Variants in KRT19 observed in about 807,000 individuals in gnomAD.
KRT19 encodes the protein keratin, type I cytoskeletal 19.
Under a neutral mutation model 34.6 loss-of-function variants are expected in KRT19, and 21 were observed. That is an observed-to-expected ratio of 0.61 (90% CI 0.43 to 0.87). The LOEUF is 0.87. Ranked by LOEUF, KRT19 falls within the 40% of genes least tolerant of loss-of-function variation. The pLI, the probability that KRT19 is intolerant of heterozygous loss-of-function variation, is 0.00. For synonymous variants in KRT19, 240 were observed against 245.8 expected (o/e 0.98, Z 0.22); for missense variants, 514 against 545.7 (o/e 0.94, Z 0.58).
intron 1 of KRT19, chr17:41,525,617 G>GCCCCCC (rs370300972): frequency 3.0e-5 from 8 of 269,066 alleles, no homozygotes; most frequent in African/African-American, 1.6e-4. Flanking sequence ...GTCTATACCT[G>GCCCCCC]CCCCCCCCAC....
chr17:41,524,692 T>C (rs889811361), intron 3 of KRT19, 151 bp downstream of exon 3: 1 of 1,221,278 alleles, frequency 8.2e-7, no homozygotes, highest in Non-Finnish European at 1.2e-6. Flanking sequence ...CATCACTGAT[T>C]CCTCTTGGAA....
In KRT19 at chr17:41,526,562, C is replaced by CTTTTTTTTTTTTT. The variant is rs60030898; in HGVS notation, c.420+1253_420+1265dup. ...ACACGCCACCATGCCAAGCTAATTC[C>CTTTTTTTTTTTTT]TTTTTTTTTTTTTTTTTTTTTTTTT... On this transcript the variant is annotated intron_variant, in intron 1 of 5. Transcript: ENST00000361566. Among the ~76,000 whole-genome samples, 4 of 72,190 alleles carry CTTTTTTTTTTTTT rather than the reference C, an allele frequency of 5.5e-5. 1 individual carries two copies. The highest frequency in any genetic ancestry group is 5.9e-5 in the African/African-American group (1 of 16,882). The allele number at this position is 72,190 out of a possible 152,430, so 47.4% of individuals were successfully genotyped here.
chr17:41,526,009 T>C (rs1161793387), intron 1 of KRT19, among the ~76,000 whole-genome samples: 2 of 152,158 alleles, frequency 1.3e-5, no homozygotes, highest in African/African-American at 4.8e-5. Flanking sequence ...TCTCGCTCTG[T>C]CACCCAGGCT....
Position 41,524,850 on chromosome 17 carries a change from T to C in KRT19, c.653A>G (p.His218Arg), listed in dbSNP as rs759814365. The C allele has an allele frequency of 3.7e-5, 60 of 1,613,794 alleles. No individual in the cohort carries two copies. The highest frequency in any genetic ancestry group is 4.9e-5 in the Non-Finnish European group (58 of 1,180,040). The change falls in exon 3 of 6, where the codon CAT becomes CGT. Residue 218 changes from histidine to arginine, a missense_variant. Physicochemically the swap from His to Arg is conservative, Grantham distance 29. Coordinates refer to ENST00000361566, the MANE Select transcript of KRT19 (RefSeq NM_002276.5). Reference sequence around the variant, plus strand: ...GCCCAGCTTCAAACCCACCTCCTCATGGTTCTTCTTCAGGTAGGCCAGCTC... The same window carrying C: ...GCCCAGCTTCAAACCCACCTCCTCACGGTTCTTCTTCAGGTAGGCCAGCTC... ...KEELAYLKKN[H>R]EEEISTLRGQ...
rs1199582376 is a variant in KRT19, at chr17:41,523,882, T to C, written c.1064A>G (p.Asp355Gly). The C allele has an allele frequency of 6.2e-7, 1 of 1,613,982 alleles. No individual in the cohort carries two copies. Among genetic ancestry groups the C allele is most frequent in the Non-Finnish European group, 8.5e-7 (1 of 1,180,048 alleles). Residue 355 changes from aspartate to glycine, a missense_variant, in exon 6 of 6, where the codon GAT (aspartate) becomes GGT (glycine). Transcript: ENST00000361566. ...IEAQLGDVRA[D>G]SERQNQEYQR... ...GTACTCCTGATTCTGCCGCTCACTA[T>C]CAGCTCGCACATCGCCCAGCTGGGC...
intron 1 of KRT19, among the ~76,000 whole-genome samples, chr17:41,526,398 G>A (rs1905865179): frequency 6.6e-6 from 1 of 151,798 alleles, no homozygotes; most frequent in African/African-American, 2.4e-5. Context: ...ACACACAGAG[G>A]TGAGAAAAAG....
Position 41,527,883 on chromosome 17 carries a change from C to T in KRT19, c.365G>A (p.Gly122Glu). Reference sequence around the variant, plus strand: ...GTAGTGGCTGTAGTCGCGGGAGGGCCCAGGCCCCTGCTTCTGGTACCAGTC... The same window carrying T: ...GTAGTGGCTGTAGTCGCGGGAGGGCTCAGGCCCCTGCTTCTGGTACCAGTC... ...IRDWYQKQGP[G>E]PSRDYSHYYT... The change falls in exon 1 of 6, where the codon GGG becomes GAG. Residue 122 changes from glycine to glutamate, a missense_variant. Coordinates refer to ENST00000361566, the MANE Select transcript of KRT19 (RefSeq NM_002276.5). The T allele has an allele frequency of 6.2e-7, 1 of 1,613,412 alleles. No individual in the cohort carries two copies. Among genetic ancestry groups the T allele is most frequent in the Non-Finnish European group, 8.5e-7 (1 of 1,179,742 alleles).
chr17:41,524,876 T>G lies in KRT19; in HGVS notation c.627A>C (p.Glu209Asp). ...GGTTCTTCTTCAGGTAGGCCAGCTC[T>G]TCCTTCAGGCCTTCGATCTGCATCT... ...DLEMQIEGLK[E>D]ELAYLKKNHE... is the part of the protein sequence containing the mutation. Residue 209 changes from glutamate to aspartate, a missense_variant, in exon 3 of 6, where the codon GAA becomes GAC. Coordinates refer to ENST00000361566, the MANE Select transcript of KRT19 (RefSeq NM_002276.5). 6.2e-7 allele frequency: 1 copy of G among 1,614,148 alleles called. No individual in the cohort carries two copies. The highest frequency in any genetic ancestry group is 1.1e-5 in the South Asian group (1 of 91,080).
chr17:41,528,153 C>A lies in KRT19; in HGVS notation c.95G>T (p.Arg32Leu). The A allele has an allele frequency of 1.3e-6, 2 of 1,598,260 alleles. No homozygotes were observed. Among genetic ancestry groups the A allele is most frequent in the African/African-American group, 1.3e-5 (1 of 74,770 alleles). The change falls in exon 1 of 6, where the codon CGC becomes CTC. Residue 32 changes from arginine to leucine, a missense_variant. By Grantham distance (102) the Arg-to-Leu change is moderately radical (BLOSUM62 -2). Coordinates refer to ENST00000361566, the MANE Select transcript of KRT19 (RefSeq NM_002276.5). ...GGAGCCCCCGTGAATGCTGGGCGCG[C>A]GAAAGGCGACCCCCGGCCCAAAACG... ...SVRFGPGVAF[R>L]APSIHGGSGG... is the part of the protein sequence containing the mutation.
In KRT19 at chr17:41,526,044, T is replaced by G. The variant is rs1201549502; in HGVS notation, c.421-771A>C. Among the ~76,000 whole-genome samples the G allele has an allele frequency of 6.6e-5, 10 of 151,752 alleles. No homozygotes were observed. In the South Asian group the frequency reaches 1.7e-3, roughly 25 times the overall value. ...TGGAGTGCAGCGTCGCGATCTCGGC[T>G]CACTGCAAGCCCCGCCTCCCGGGTT... On this transcript the variant is annotated intron_variant, in intron 1 of 5. Coordinates refer to ENST00000361566, the MANE Select transcript of KRT19 (RefSeq NM_002276.5).
At chr17:41,527,705 T>G in intron 1 of KRT19, 123 bp downstream of exon 1, 1 of 1,076,296 alleles carries the variant, frequency 9.3e-7, no homozygotes, top group Non-Finnish European at 1.3e-6. Context: ...CGGCCCCACC[T>G]GTGGACCTTC....
At chr17:41,525,439 C>A in intron 1 of KRT19, 166 bp from the exon 2 acceptor site, 2 of 628,254 alleles carry the variant, frequency 3.2e-6, no homozygotes, top group Non-Finnish European at 2.9e-6. Flanking sequence ...GGAGGCCTTG[C>A]AAACAGTCCA....
chr17:41,524,088 CA>C, intron 5 of KRT19, 54 bp downstream of exon 5: 1 of 1,601,864 alleles, frequency 6.2e-7, no homozygotes. Flanking sequence ...CCCTAGGCTG[CA>C]AGGGTATAAG....
At position 41,524,127 on chromosome 17, in the gene KRT19, G is replaced by A; in HGVS notation, c.948+16C>T. 1.9e-6 allele frequency: 3 copies of A among 1,602,374 alleles called. No individual in the cohort carries two copies. Among genetic ancestry groups the A allele is most frequent in the Non-Finnish European group, 2.6e-6 (3 of 1,172,762 alleles). ...TGAATTGCACAGGGAAGCGGCGGCG[G>A]TGGGGGGACACATACCATGCTCAGC... On this transcript the variant is annotated intron_variant, in intron 5 of 5. Coordinates refer to ENST00000361566, the MANE Select transcript of KRT19 (RefSeq NM_002276.5).
In KRT19 at chr17:41,523,622, T is replaced by C; in HGVS notation, c.*121A>G. 4.1e-6 allele frequency: 4 copies of C among 974,688 alleles called. No individual in the cohort carries two copies. Among genetic ancestry groups the C allele is most frequent in the Non-Finnish European group, 6.2e-6 (4 of 650,120 alleles). The allele number at this position is 974,688 out of a possible 1,614,324, so 60.4% of individuals were successfully genotyped here. The stretch of plus-strand genomic sequence containing the variant: ...AATAAACCAAACGTCCTTCCTCCCT[T>C]GGACCATAAATTTTTATTGGCAGGT... On this transcript the variant is annotated 3_prime_UTR_variant, in exon 6 of 6. Coordinates refer to ENST00000361566, the MANE Select transcript of KRT19 (RefSeq NM_002276.5).
At position 41,527,850 on chromosome 17, in the gene KRT19, G is replaced by A; in HGVS notation, c.398C>T (p.Thr133Ile). 6.2e-7 allele frequency: 1 copy of A among 1,609,888 alleles called. No individual in the cohort carries two copies. The highest frequency in any genetic ancestry group is 8.5e-7 in the Non-Finnish European group (1 of 1,177,492). The change falls in exon 1 of 6, where the codon ACC (threonine) becomes ATC (isoleucine). Residue 133 changes from threonine to isoleucine, a missense_variant. Thr to Ile is a moderately conservative substitution (Grantham distance 89). Transcript: ENST00000361566. Reference sequence around the variant, plus strand: ...CACCTTGTCCCGCAGGTCCTGGATGGTCGTGTAGTAGTGGCTGTAGTCGCG... The same window carrying A: ...CACCTTGTCCCGCAGGTCCTGGATGATCGTGTAGTAGTGGCTGTAGTCGCG... ...PSRDYSHYYT[T>I]IQDLRDKILG...
chr17:41,527,002 T>A (rs1019424401), intron 1 of KRT19, among the ~76,000 whole-genome samples: 3 of 152,182 alleles, frequency 2.0e-5, no homozygotes, highest in African/African-American at 7.2e-5. Context: ...ATTTTGGGGA[T>A]CTGTTTGTTG....
chr17:41,528,167 C>G lies in KRT19; in HGVS notation c.81G>C (p.Pro27=). The change falls in exon 1 of 6, where the codon CCG becomes CCC. Residue 27 remains proline, a synonymous_variant. Transcript: ENST00000361566. ...TGCTGGGCGCGCGAAAGGCGACCCC[C>G]GGCCCAAAACGCACGGAGCCGCCGC... The part of the protein sequence containing the change: ...GLGGGSVRFG[P]GVAFRAPSIH... 2 of 1,593,652 alleles carry G rather than the reference C, an allele frequency of 1.3e-6. No individual in the cohort carries two copies. Among genetic ancestry groups the G allele is most frequent in the Non-Finnish European group, 8.5e-7 (1 of 1,175,096 alleles).
In KRT19 at chr17:41,528,169, G is replaced by C. The variant is rs1013172050; in HGVS notation, c.79C>G (p.Pro27Ala). 19 of 1,593,774 alleles carry C rather than the reference G, an allele frequency of 1.2e-5. No homozygotes were observed. Among genetic ancestry groups the C allele is most frequent in the Non-Finnish European group, 1.6e-5 (19 of 1,175,272 alleles). Reference protein sequence around the residue: ...GLGGGSVRFGPGVAFRAPSIH... With the variant: ...GLGGGSVRFGAGVAFRAPSIH... ...CTGGGCGCGCGAAAGGCGACCCCCGGCCCAAAACGCACGGAGCCGCCGCCC... is the reference window on the plus strand; with the variant it reads ...CTGGGCGCGCGAAAGGCGACCCCCGCCCCAAAACGCACGGAGCCGCCGCCC... Residue 27 changes from proline (P) to alanine (A), a missense_variant, in exon 1 of 6, where the codon CCG becomes GCG. Pro to Ala is a conservative substitution (Grantham distance 27, BLOSUM62 -1). Coordinates refer to ENST00000361566, the MANE Select transcript of KRT19 (RefSeq NM_002276.5).
Sources: allele counts gnomAD v4.1 joint callset (sites outside exome capture counted in the v4.1 genomes callset), GRCh38; gene constraint gnomAD v4.1.1; transcripts MANE v1.5; gene names NCBI Gene and HGNC (gene_info 2026-07-23, HGNC 2026-07-21).